ZNF331: variants seen among roughly 807,000 people sequenced by gnomAD.
The protein encoded by ZNF331 is C2H2-like zinc finger protein rearranged in thyroid adenomas.
Under a neutral mutation model 7.0 loss-of-function variants are expected in ZNF331, and 2 were observed. That is an observed-to-expected ratio of 0.29 (90% CI 0.12 to 0.90). The LOEUF is 0.90. Among genes scored for constraint, ZNF331 ranks in the 40% least tolerant of loss-of-function variants. ZNF331 has a pLI of 0.58. For missense variants in ZNF331, 432 were observed against 587.7 expected, an observed-to-expected ratio of 0.74 and a Z score of 2.74; for synonymous variants, 196 against 205.4, an observed-to-expected ratio of 0.95 and a Z score of 0.39.
rs1341757755 is a variant in ZNF331, at chr19:53,579,536, G to A, written c.*1584G>A. 1 of 203,580 alleles carries A rather than the reference G, an allele frequency of 4.9e-6. No homozygotes were observed. Among genetic ancestry groups the A allele is most frequent in the Non-Finnish European group, 1.0e-5 (1 of 99,026 alleles). The allele number at this position is 203,580 out of a possible 1,614,324, so 12.6% of individuals were successfully genotyped here. A position where few individuals can be genotyped will look rare whatever the true frequency, so the allele number is the denominator to read the frequency against. On this transcript the variant is annotated 3_prime_UTR_variant, in exon 6 of 6. Coordinates refer to ENST00000449416, the MANE Select transcript of ZNF331 (RefSeq NM_001079906.2). ...TTTGAAAGTGTAACTGGAATATTGT[G>A]TAATTTTAATAAATAATAACTATTG...
upstream of ZNF331, among the ~76,000 whole-genome samples, chr19:53,517,390 C>T: frequency 6.6e-6 from 1 of 152,112 alleles, no homozygotes; most frequent in East Asian, 1.9e-4. Flanking sequence ...GCACATTCTT[C>T]CACTATCAGT....
intron 2 of ZNF331, among the ~76,000 whole-genome samples, chr19:53,541,206 C>T (rs1024966418): frequency 6.7e-6 from 1 of 150,226 alleles, no homozygotes; most frequent in African/African-American, 2.5e-5. Context: ...CTCCTGGGTT[C>T]AAGCAATTCC....
chr19:53,557,084 A>G (rs1016257335), intron 3 of ZNF331, among the ~76,000 whole-genome samples: 6 of 147,748 alleles, frequency 4.1e-5, no homozygotes, highest in African/African-American at 1.3e-4. Context: ...CGGCCTCCCA[A>G]AGTGCTGGGA....
At position 53,577,466 on chromosome 19, in the gene ZNF331, A is replaced by C; in HGVS notation, c.906A>C (p.Gln302His). 6.2e-7 allele frequency: 1 copy of C among 1,614,198 alleles called. No individual in the cohort carries two copies. Among genetic ancestry groups the C allele is most frequent in the Non-Finnish European group, 8.5e-7 (1 of 1,180,044 alleles). ...IHTGEKPYECQECGKAFTRVN... is the reference protein window; with the variant it reads ...IHTGEKPYECHECGKAFTRVN... ...CAGGTGAGAAACCCTATGAATGTCA[A>C]GAATGTGGGAAGGCCTTTACTCGAG... Residue 302 changes from glutamine to histidine, a missense_variant, in exon 6 of 6, where the codon CAA becomes CAC. Gln to His is a conservative substitution (Grantham distance 24). Transcript: ENST00000449416.
intron 3 of ZNF331, among the ~76,000 whole-genome samples, chr19:53,569,008 C>T (rs549099251): frequency 6.6e-6 from 1 of 152,038 alleles, no homozygotes. Context: ...AGGCACGTGC[C>T]ACCACATCCG....
the ZNF331 span, among the ~76,000 whole-genome samples, chr19:53,510,263 G>A: frequency 2.0e-5 from 3 of 152,054 alleles, no homozygotes; most frequent in African/African-American, 7.2e-5. Flanking sequence ...TCTTGAAAAA[G>A]GATTCAGAGG....
chr19:53,570,564 CT>C (rs1359026953), intron 4 of ZNF331, among the ~76,000 whole-genome samples: 1 of 151,998 alleles, frequency 6.6e-6, no homozygotes, highest in Non-Finnish European at 1.5e-5. Flanking sequence ...CGGAGTTTCA[CT>C]CTTGTTGCCC....
chr19:53,507,338 G>T, the ZNF331 span, among the ~76,000 whole-genome samples: 20 of 151,986 alleles, frequency 1.3e-4, no homozygotes, highest in African/African-American at 4.6e-4. Flanking sequence ...AGACAGCTTG[G>T]GGCTCCCCAC....
chr19:53,503,415 G>A, the ZNF331 span: 1 of 550,700 alleles, frequency 1.8e-6, no homozygotes, highest in South Asian at 2.0e-5. Flanking sequence ...TGTGGCCATG[G>A]GAACGATCTT....
intron 2 of ZNF331, among the ~76,000 whole-genome samples, chr19:53,531,803 A>G (rs575128294): frequency 4.3e-4 from 65 of 152,284 alleles, no homozygotes; most frequent in African/African-American, 1.5e-3. Flanking sequence ...GTGAGAAGCA[A>G]TGTGGTTTGA....
the ZNF331 span, among the ~76,000 whole-genome samples, chr19:53,506,411 C>T: frequency 2.0e-4 from 15 of 74,404 alleles, no homozygotes; most frequent in South Asian, 4.9e-4. Context: ...CTCTCTCTCT[C>T]CTCTCTCTCT....
chr19:53,526,638 C>T (rs145333001), intron 2 of ZNF331, among the ~76,000 whole-genome samples: 10,991 of 151,594 alleles, frequency 0.073, 527 homozygotes, highest in Non-Finnish European at 0.11. Context: ...CTGCAAGCTC[C>T]GCCTCCCAGG....
At chr19:53,531,722 TTC>T (rs1251251402) in intron 2 of ZNF331, among the ~76,000 whole-genome samples, 1 of 152,220 alleles carries the variant, frequency 6.6e-6, no homozygotes, top group Non-Finnish European at 1.5e-5. Flanking sequence ...TTGAAATTTT[TTC>T]TGTTTACTAG....
At chr19:53,513,500 C>T in the ZNF331 span, among the ~76,000 whole-genome samples, 2 of 152,234 alleles carry the variant, frequency 1.3e-5, no homozygotes, top group East Asian at 3.9e-4. Context: ...CAACAACGTA[C>T]AGGGGTATTT....
chr19:53,575,962 G>A (rs150575315), intron 5 of ZNF331, among the ~76,000 whole-genome samples: 7,421 of 151,920 alleles, frequency 0.049, 202 homozygotes, highest in Non-Finnish European at 0.066. Context: ...GATTACAAGC[G>A]TGAGCCACCG....
intron 2 of ZNF331, among the ~76,000 whole-genome samples, chr19:53,532,965 C>T (rs1187603994): frequency 2.0e-5 from 3 of 152,012 alleles, no homozygotes; most frequent in African/African-American, 7.2e-5. Flanking sequence ...AAAAAATCAA[C>T]TCTTAGTTTC....
chr19:53,503,386 G>A, the ZNF331 span: 5 of 482,026 alleles, frequency 1.0e-5, no homozygotes, highest in African/African-American at 7.8e-5. Context: ...TGTGGGAACT[G>A]ACAGAATGGC....
At chr19:53,524,688 C>A (rs1001170065) in intron 2 of ZNF331, among the ~76,000 whole-genome samples, 5 of 152,046 alleles carry the variant, frequency 3.3e-5, no homozygotes, top group African/African-American at 9.7e-5. Context: ...AGGTAGATTG[C>A]AAAAATTTTC....
upstream of ZNF331, among the ~76,000 whole-genome samples, chr19:53,520,776 T>A (rs77528442): frequency 1.3e-5 from 2 of 151,928 alleles, no homozygotes; most frequent in Admixed American, 6.6e-5. Context: ...TCCCGGGTTA[T>A]GAGCTACATT....
Sources: gnomAD v4.1 joint callset for allele counts (sites outside exome capture counted in the v4.1 genomes callset) on GRCh38, gnomAD v4.1.1 for gene constraint, MANE v1.5 for transcripts, NCBI Gene and HGNC (gene_info 2026-07-23, HGNC 2026-07-21) for gene names.